The following GGA3 variants were observed in gnomAD, a reference collection of about 807,000 sequenced individuals.
GGA3 encodes golgi associated, gamma adaptin ear containing, ARF binding protein 3, also known as ADP-ribosylation factor-binding protein GGA3.
A neutral mutation model predicts 77.5 loss-of-function variants in GGA3; 57 were observed. The observed-to-expected ratio is 0.74, with a 90% CI of 0.59 to 0.92. GGA3 has a LOEUF of 0.92. GGA3 is among the 40% of genes least tolerant of loss of function. The pLI is 0.00. For missense variants in GGA3, 970 were observed against 914.9 expected (o/e 1.06, Z -0.78); for synonymous variants, 416 against 383.7 (o/e 1.08, Z -0.98).
At position 75,239,397 on chromosome 17, in the gene GGA3, C is replaced by G. The variant is rs34008167; in HGVS notation, c.1758G>C (p.Val586=). 0.017 allele frequency: 26,012 copies of G among 1,556,640 alleles called. 278 individuals carry two copies. Among genetic ancestry groups the G allele is most frequent in the Middle Eastern group, 0.028 (162 of 5,818 alleles). The change falls in exon 14 of 17, where the codon GTG becomes GTC. Residue 586 remains valine (V), a synonymous_variant. Transcript: ENST00000537686. ...TACTAGGCTTGATCGATTCCAGGGG[C>G]ACGTGGATGCTGGCCAGGGAGAGCT... The part of the protein sequence containing the change: ...GPELSLASIH[V]PLESIKPSSA...
intron 5 of GGA3, 80 bp downstream of exon 5, chr17:75,243,367 G>A: frequency 6.4e-7 from 1 of 1,558,282 alleles, no homozygotes; most frequent in Non-Finnish European, 8.8e-7. Context: ...GGACTCTGGG[G>A]ATCCCAAACC....
chr17:75,241,780 G>C (rs970781989), intron 8 of GGA3, 84 bp from the exon 9 acceptor site: 3 of 1,218,194 alleles, frequency 2.5e-6, no homozygotes, highest in Non-Finnish European at 3.6e-6. Flanking sequence ...CCCAGAAAAT[G>C]ACCGGGATAT....
At position 75,238,866 on chromosome 17, in the gene GGA3, C is replaced by T. The variant is rs1176316628; in HGVS notation, c.1950+48G>A. 3.7e-6 allele frequency: 6 copies of T among 1,604,730 alleles called. No individual in the cohort carries two copies. In the African/African-American group the frequency reaches 4.0e-5, roughly 11 times the overall value. ...CCTGCTGGCTGCAAAGGCCTCTACA[C>T]AACAGGGTCAAGATAAGGCCGTTTT... On this transcript the variant is annotated intron_variant, in intron 15 of 16. Coordinates refer to ENST00000537686, the MANE Select transcript of GGA3 (RefSeq NM_138619.4).
upstream of GGA3, chr17:75,261,748 T>C (rs2145629215): frequency 2.6e-6 from 3 of 1,133,826 alleles, no homozygotes; most frequent in East Asian, 2.6e-5. Flanking sequence ...CTTTTGGCGC[T>C]CCCCTTTGGA....
chr17:75,238,796 G>A (rs748087685), intron 15 of GGA3, 34 bp from the exon 16 acceptor site: 13 of 1,587,288 alleles, frequency 8.2e-6, no homozygotes, highest in South Asian at 1.1e-5. Flanking sequence ...AAGAGAACTG[G>A]TAGGTGCCCC....
Position 75,238,945 on chromosome 17 carries a change from T to C in GGA3, c.1919A>G (p.Lys640Arg), listed in dbSNP as rs746004783. The C allele has an allele frequency of 1.6e-5, 26 of 1,614,054 alleles. No homozygotes were observed. In the Admixed American group the frequency reaches 3.8e-4, roughly 24 times the overall value. ...CACTGCAGCCTGCAGCACGATGCTC[T>C]TGACAGGTAAGGGAGCCGTGTTCAG... ...SMLNTAPLPV[K>R]SIVLQAAVPK... The change falls in exon 15 of 17, where the codon AAG (lysine) becomes AGG (arginine). Residue 640 changes from lysine (K) to arginine (R), a missense_variant. Coordinates refer to ENST00000537686, the MANE Select transcript of GGA3 (RefSeq NM_138619.4).
chr17:75,255,342 C>T (rs1261263497), intron 1 of GGA3, among the ~76,000 whole-genome samples: 10 of 152,182 alleles, frequency 6.6e-5, no homozygotes, highest in East Asian at 3.9e-4. Flanking sequence ...TAGGCCGAGA[C>T]ACTTTAACTA....
Position 75,239,008 on chromosome 17 carries a change from G to C in GGA3, c.1856C>G (p.Pro619Arg). The change falls in exon 15 of 17, where the codon CCA (proline) becomes CGA (arginine). Residue 619 changes from proline (P) to arginine (R), a missense_variant. By Grantham distance (103) the Pro-to-Arg change is moderately radical (BLOSUM62 -2). Transcript: ENST00000537686. ...ILFHFAKECP[P>R]GRPDVLVVVV... ...CACCACCAGCACGTCAGGTCGTCCT[G>C]GGGGACACTCCTTGGCAAAGTGGAA... 1 of 1,614,068 alleles carries C rather than the reference G, an allele frequency of 6.2e-7. No individual in the cohort carries two copies. The highest frequency in any genetic ancestry group is 1.1e-5 in the South Asian group (1 of 91,086).
chr17:75,260,474 AAACGT>A (rs1364289643), intron 1 of GGA3, among the ~76,000 whole-genome samples: 1 of 152,258 alleles, frequency 6.6e-6, no homozygotes, highest in Non-Finnish European at 1.5e-5. Flanking sequence ...CAGATTTTGC[AAACGT>A]GATCTTACTT....
At chr17:75,242,615 A>G in intron 7 of GGA3, 142 bp from the exon 8 acceptor site, 1 of 1,003,436 alleles carries the variant, frequency 1.0e-6, no homozygotes. Context: ...CCCAGTCTAT[A>G]CTTCTGCTTT....
chr17:75,239,424 AG>A lies in GGA3; in HGVS notation c.1730del (p.Pro577LeufsTer23). The stretch of plus-strand genomic sequence containing the variant: ...CGTGGATGCTGGCCAGGGAGAGCTC[AG>A]GCCCCTTCGGGGGGCTGCCCTGGGA... ...FQSQGSPPKG[P>X]ELSLASIHVP... On this transcript the variant is annotated frameshift_variant, in exon 14 of 17. Transcript: ENST00000537686. LOFTEE classifies it high-confidence loss of function. 2 of 1,576,046 alleles carry A rather than the reference AG, an allele frequency of 1.3e-6. No individual in the cohort carries two copies.
At chr17:75,242,524 T>C (rs762054636) in intron 7 of GGA3, 51 bp from the exon 8 acceptor site, 3 of 1,609,038 alleles carry the variant, frequency 1.9e-6, no homozygotes, top group Non-Finnish European at 2.6e-6. Context: ...TGACTGTCTT[T>C]CCACTTCCAC....
At chr17:75,258,981 T>C (rs1465764755) in intron 1 of GGA3, among the ~76,000 whole-genome samples, 1 of 139,808 alleles carries the variant, frequency 7.2e-6, no homozygotes, top group Non-Finnish European at 1.5e-5. Context: ...GGAGACGGAG[T>C]CTCGCTCTGT....
chr17:75,240,741 T>A (rs944934323), intron 11 of GGA3, 71 bp downstream of exon 11: 20 of 1,500,444 alleles, frequency 1.3e-5, no homozygotes, highest in African/African-American at 2.8e-5. Flanking sequence ...CGCTCAGGGC[T>A]CCTAATTCCA....
At chr17:75,240,150 G>GC in intron 12 of GGA3, 42 bp from the exon 13 acceptor site, 1 of 1,085,140 alleles carries the variant, frequency 9.2e-7, no homozygotes. Context: ...GGCGGGTGGG[G>GC]AGGGCCTGCC....
At chr17:75,248,151 T>G (rs1200570698) in intron 1 of GGA3, among the ~76,000 whole-genome samples, 3 of 152,198 alleles carry the variant, frequency 2.0e-5, no homozygotes, top group Non-Finnish European at 4.4e-5. Context: ...TGATTTCTCA[T>G]AATTGTATTT....
chr17:75,239,755 CCT>C (rs767327728), intron 13 of GGA3, 32 bp downstream of exon 13: 2 of 1,608,486 alleles, frequency 1.2e-6, no homozygotes, highest in Non-Finnish European at 1.7e-6. Flanking sequence ...CAGGCCCAAC[CCT>C]CAGCAACCCC....
At chr17:75,261,989 AG>A (rs1341075834), upstream of GGA3, 7 of 1,540,824 alleles carry the variant, frequency 4.5e-6, no homozygotes, top group East Asian at 9.4e-5. Context: ...CCAGGGTGAG[AG>A]GGTGGCGAGC....
In GGA3 at chr17:75,239,021, T is replaced by G. The variant is rs767241741; in HGVS notation, c.1843A>C (p.Lys615Gln). The G allele has an allele frequency of 3.1e-6, 5 of 1,614,016 alleles. No homozygotes were observed. The East Asian group carries it at 1.1e-4, about 36-fold the overall frequency. The change falls in exon 15 of 17, where the codon AAG becomes CAG. Residue 615 changes from lysine (K) to glutamine (Q), a missense_variant. Coordinates refer to ENST00000537686, the MANE Select transcript of GGA3 (RefSeq NM_138619.4). ...NGFRILFHFAKECPPGRPDVL... is the reference protein window; with the variant it reads ...NGFRILFHFAQECPPGRPDVL... The stretch of plus-strand genomic sequence containing the variant: ...TCAGGTCGTCCTGGGGGACACTCCT[T>G]GGCAAAGTGGAAGAGGATGCGGAAG...
Sources: gnomAD v4.1 joint callset for allele counts (sites outside exome capture counted in the v4.1 genomes callset) on GRCh38, gnomAD v4.1.1 for gene constraint, MANE v1.5 for transcripts, NCBI Gene and HGNC (gene_info 2026-07-23, HGNC 2026-07-21) for gene names.